The following COPG2 variants were observed in gnomAD, a reference collection of about 807,000 sequenced individuals.
COPG2 encodes coat protein complex I subunit gamma 2, also known as coatomer subunit gamma-2.
A neutral mutation model predicts 46.3 loss-of-function variants in COPG2; 37 were observed. The ratio of observed to expected loss-of-function variants is 0.80; its 90% CI spans 0.61 to 1.05. COPG2 has a LOEUF of 1.05. Among genes scored for constraint, COPG2 ranks in the 50% least tolerant of loss-of-function variants. COPG2 has a pLI of 0.00. For synonymous variants in COPG2, 159 were observed against 129.7 expected (o/e 1.23, Z -1.53); for missense variants, 427 against 387.8 (o/e 1.10, Z -0.85).
chr7:130,565,342 A>G (rs1472931067), intron 9 of COPG2, among the ~76,000 whole-genome samples: 1 of 152,246 alleles, frequency 6.6e-6, no homozygotes, highest in Non-Finnish European at 1.5e-5. Context: ...TGACTCAGCT[A>G]ATCAAACAAA....
intron 4 of COPG2, among the ~76,000 whole-genome samples, chr7:130,659,867 G>A (rs781952134): frequency 3.3e-5 from 5 of 151,740 alleles, no homozygotes; most frequent in South Asian, 2.1e-4. Context: ...AGCCAAGATC[G>A]CGCCACTGCA....
At chr7:130,659,851 G>A (rs1222558493) in intron 4 of COPG2, among the ~76,000 whole-genome samples, 2 of 152,180 alleles carry the variant, frequency 1.3e-5, no homozygotes, top group African/African-American at 4.8e-5. Flanking sequence ...GGCGGAGGCT[G>A]CAGTGAGCCA....
chr7:130,510,568 A>T (rs1554440898), intron 20 of COPG2, among the ~76,000 whole-genome samples: 1 of 152,220 alleles, frequency 6.6e-6, no homozygotes, highest in Non-Finnish European at 1.5e-5. Flanking sequence ...AGACAACATC[A>T]GGTATGAAGG....
chr7:130,621,593 G>C lies in COPG2; in HGVS notation c.324-4528C>G, dbSNP rs1158462964. The stretch of plus-strand genomic sequence containing the variant: ...GGAGGCCAAGGCGGGTGGATCACTT[G>C]AGGTCAGGGGTTCAAGACCAGCCTG... On this transcript the variant is annotated intron_variant, in intron 5 of 23. Transcript: ENST00000425248. Among the ~76,000 whole-genome samples, 3 of 152,132 alleles carry C rather than the reference G, an allele frequency of 2.0e-5. No homozygotes were observed. The East Asian group carries it at 5.8e-4, about 29-fold the overall frequency.
intron 5 of COPG2, among the ~76,000 whole-genome samples, chr7:130,623,656 A>G (rs1347685615): frequency 1.3e-5 from 2 of 152,074 alleles, no homozygotes; most frequent in African/African-American, 4.8e-5. Flanking sequence ...TTTAGGGAGG[A>G]ATAAAATTTT....
At chr7:130,568,249 T>G (rs1793837303) in intron 9 of COPG2, among the ~76,000 whole-genome samples, 1 of 152,048 alleles carries the variant, frequency 6.6e-6, no homozygotes, top group Non-Finnish European at 1.5e-5. Context: ...CACTCCAGCC[T>G]GGGCAACAGG....
In COPG2 at chr7:130,515,523, C is replaced by G. The variant is rs923938307; in HGVS notation, c.2150-6864G>C. On this transcript the variant is annotated intron_variant, in intron 20 of 23. Transcript: ENST00000425248. ...TGAGATTTGAGTAGGGATACAGATC[C>G]AAACCACATCCTGGGGTAAGGCCCT... Among the ~76,000 whole-genome samples the G allele has an allele frequency of 4.5e-4, 69 of 152,168 alleles. 1 individual carries two copies. The highest frequency in any genetic ancestry group is 2.0e-4 in the Admixed American group (3 of 15,286).
At chr7:130,529,000 G>A (rs912572332) in intron 20 of COPG2, among the ~76,000 whole-genome samples, 1 of 152,240 alleles carries the variant, frequency 6.6e-6, no homozygotes, top group Admixed American at 6.5e-5. Flanking sequence ...GAAGATGCTG[G>A]CACCTTGGAA....
At chr7:130,614,909 G>A (rs1794920915) in intron 6 of COPG2, among the ~76,000 whole-genome samples, 1 of 152,128 alleles carries the variant, frequency 6.6e-6, no homozygotes, top group African/African-American at 2.4e-5. Context: ...CCATACCCTA[G>A]GAAAATCTTC....
intron 9 of COPG2, among the ~76,000 whole-genome samples, chr7:130,567,450 A>C (rs1349089443): frequency 2.0e-5 from 3 of 152,234 alleles, no homozygotes; most frequent in Admixed American, 6.5e-5. Flanking sequence ...CAAATACAAG[A>C]AGCTCAAAGA....
intron 21 of COPG2, chr7:130,508,325 A>G: frequency 2.6e-6 from 1 of 390,106 alleles, no homozygotes; most frequent in South Asian, 6.5e-5. Flanking sequence ...TATTATAAAG[A>G]AAAAAAAGGG....
chr7:130,607,375 C>A (rs895046232), intron 9 of COPG2: 1 of 401,556 alleles, frequency 2.5e-6, no homozygotes, highest in African/African-American at 2.1e-5. Flanking sequence ...CTATTGATTG[C>A]TTTTTCTCTT....
At chr7:130,592,239 C>CAAGTA (rs1554449106) in intron 9 of COPG2, among the ~76,000 whole-genome samples, 1 of 152,060 alleles carries the variant, frequency 6.6e-6, no homozygotes, top group Non-Finnish European at 1.5e-5. Flanking sequence ...TCCCTAATCT[C>CAAGTA]AAGTACCCAG....
At chr7:130,519,378 G>A (rs1799707271) in intron 20 of COPG2, among the ~76,000 whole-genome samples, 2 of 152,196 alleles carry the variant, frequency 1.3e-5, no homozygotes, top group Non-Finnish European at 2.9e-5. Flanking sequence ...GACTTAAAAT[G>A]GGTCAGAGCA....
intron 2 of COPG2, 147 bp downstream of exon 2, chr7:130,667,335 C>T (rs1796106775): frequency 3.1e-6 from 2 of 644,280 alleles, no homozygotes; most frequent in East Asian, 2.8e-5. Flanking sequence ...CAAGTAACCC[C>T]TCTTTCTTTT....
chr7:130,629,606 G>C (rs782010550), intron 5 of COPG2, among the ~76,000 whole-genome samples: 1 of 151,946 alleles, frequency 6.6e-6, no homozygotes, highest in Non-Finnish European at 1.5e-5. Context: ...AAGTTGGCCA[G>C]GCTGGTCTCA....
chr7:130,507,412 A>G (rs782154717), intron 22 of COPG2, 40 bp from the exon 23 acceptor site: 2 of 779,344 alleles, frequency 2.6e-6, no homozygotes, highest in Non-Finnish European at 4.8e-6. Context: ...TAGGAAAGTA[A>G]AGCACAGGGA....
intron 3 of COPG2, among the ~76,000 whole-genome samples, chr7:130,664,738 A>C (rs889527797): frequency 3.9e-5 from 6 of 152,252 alleles, no homozygotes; most frequent in African/African-American, 1.4e-4. Flanking sequence ...TTGACTATTC[A>C]AAACTTTTGT....
At chr7:130,663,894 A>G (rs1204104303) in intron 3 of COPG2, among the ~76,000 whole-genome samples, 1 of 151,590 alleles carries the variant, frequency 6.6e-6, no homozygotes, top group African/African-American at 2.4e-5. Flanking sequence ...GTGCACCACC[A>G]CGCCCAACTA....
Sources: allele counts gnomAD v4.1 joint callset (sites outside exome capture counted in the v4.1 genomes callset), GRCh38; gene constraint gnomAD v4.1.1; transcripts MANE v1.5; gene names NCBI Gene and HGNC (gene_info 2026-07-23, HGNC 2026-07-21).